The following SCN1A variants were observed in gnomAD, a reference collection of about 807,000 sequenced individuals.
SCN1A encodes the protein sodium voltage-gated channel alpha subunit 1.
A neutral mutation model predicts 193.7 loss-of-function variants in SCN1A; 13 were observed. That is an observed-to-expected ratio of 0.07 (90% CI 0.04 to 0.11). The LOEUF (loss-of-function observed/expected upper bound fraction) is 0.11, where lower values mean the gene tolerates loss of function less well. Ranked by LOEUF, SCN1A falls within the 10% of genes least tolerant of loss-of-function variation. The pLI, the probability that SCN1A is intolerant of heterozygous loss-of-function variation, is 1.00. For synonymous variants in SCN1A, 781 were observed against 843.6 expected (o/e 0.93, Z 1.29); for missense variants, 1,432 against 2,451.1 (o/e 0.58, Z 8.78).
chr2:166,093,539 T>C (rs1304805006), intron 2 of SCN1A, among the ~76,000 whole-genome samples: 1 of 152,068 alleles, frequency 6.6e-6, no homozygotes, highest in Non-Finnish European at 1.5e-5. Flanking sequence ...GAGATGGGGT[T>C]TCACCGTGTT....
chr2:166,114,078 A>G (rs1172605646), intron 2 of SCN1A, among the ~76,000 whole-genome samples: 2 of 152,126 alleles, frequency 1.3e-5, no homozygotes, highest in African/African-American at 2.4e-5. Flanking sequence ...CCTTCCAGCT[A>G]TCATATTATT....
intron 2 of SCN1A, among the ~76,000 whole-genome samples, chr2:166,084,085 A>G (rs1685823748): frequency 6.6e-6 from 1 of 152,140 alleles, no homozygotes; most frequent in African/African-American, 2.4e-5. Context: ...GGCACTGCCT[A>G]TATCCAAGTT....
At chr2:166,129,263 A>T (rs973581932), upstream of SCN1A, among the ~76,000 whole-genome samples, 7 of 152,182 alleles carry the variant, frequency 4.6e-5, no homozygotes, top group African/African-American at 1.4e-4. Context: ...CCAAGAGCCC[A>T]AAGAATAATC....
chr2:166,007,273 C>T (rs1194421676), intron 23 of SCN1A: 1 of 151,000 alleles, frequency 6.6e-6, no homozygotes, highest in African/African-American at 2.4e-5. Flanking sequence ...TCCACCCCAT[C>T]CAAGTTGGAG....
chr2:166,026,097 G>GTA (rs1443076085), intron 19 of SCN1A, among the ~76,000 whole-genome samples: 2 of 152,076 alleles, frequency 1.3e-5, no homozygotes, highest in East Asian at 1.9e-4. Context: ...TTGAACTCCA[G>GTA]TATATGGTTA....
intron 4 of SCN1A, chr2:166,060,061 GA>G (rs1418572240): frequency 6.6e-6 from 1 of 152,134 alleles, no homozygotes; most frequent in Non-Finnish European, 1.5e-5. Flanking sequence ...AAAGTAGGGG[GA>G]TGTTGTTGTG....
chr2:166,032,280 C>T (rs902363079), intron 19 of SCN1A, among the ~76,000 whole-genome samples: 1 of 49,190 alleles, frequency 2.0e-5, no homozygotes, highest in African/African-American at 8.4e-5. Flanking sequence ...TTAGTATACT[C>T]CTTTATCTAG....
intron 2 of SCN1A, among the ~76,000 whole-genome samples, chr2:166,092,146 G>A (rs369447944): frequency 1.3e-5 from 2 of 152,114 alleles, no homozygotes; most frequent in South Asian, 2.1e-4. Flanking sequence ...ATGGCATATT[G>A]CTTTCTGTTT....
intron 9 of SCN1A, among the ~76,000 whole-genome samples, chr2:166,049,860 G>A (rs1698326700): frequency 6.6e-6 from 1 of 151,980 alleles, no homozygotes; most frequent in East Asian, 1.9e-4. Flanking sequence ...TTGAGACCGG[G>A]TAGCCTTTCT....
chr2:166,064,456 G>C (rs1683635125), intron 4 of SCN1A, among the ~76,000 whole-genome samples: 1 of 152,138 alleles, frequency 6.6e-6, no homozygotes, highest in African/African-American at 2.4e-5. Context: ...CATGTGGATT[G>C]AAATCTTGCC....
chr2:166,122,589 G>T (rs1375318661), intron 2 of SCN1A, among the ~76,000 whole-genome samples: 2 of 151,926 alleles, frequency 1.3e-5, no homozygotes, highest in Admixed American at 6.6e-5. Flanking sequence ...AATCATAAAC[G>T]CATGGACAAC....
chr2:166,061,102 C>T (rs1574313640), intron 4 of SCN1A, among the ~76,000 whole-genome samples: 2 of 151,978 alleles, frequency 1.3e-5, no homozygotes, highest in East Asian at 1.9e-4. Flanking sequence ...TTTGTACCTC[C>T]GTGGATAAGG....
chr2:166,130,281 C>A (rs555448541), upstream of SCN1A, among the ~76,000 whole-genome samples: 1 of 152,288 alleles, frequency 6.6e-6, no homozygotes, highest in South Asian at 2.1e-4. Flanking sequence ...CATTTATTCA[C>A]TTCTTCATGC....
chr2:166,034,918 A>T (rs1416525536), intron 19 of SCN1A, among the ~76,000 whole-genome samples: 1 of 152,202 alleles, frequency 6.6e-6, no homozygotes. Context: ...AGCCCTCACT[A>T]GACATTGATG....
rs1315605191 is a variant in SCN1A at position 165,992,304 on chromosome 2, G to A, written c.4971C>T (p.Arg1657=). 6.2e-7 allele frequency: 1 copy of A among 1,613,654 alleles called. No individual in the cohort carries two copies. The highest frequency in any genetic ancestry group is 1.3e-5 in the African/African-American group (1 of 74,828). The part of the protein sequence containing the change: ...LRLIKGAKGI[R]TLLFALMMSL... The stretch of plus-strand genomic sequence containing the variant: ...ACATCATCAAAGCAAAGAGCAGCGT[G>A]CGGATCCCCTTTGCTCCTTTGATCA... Residue 1657 remains arginine, a synonymous_variant, in exon 29 of 29, where the codon CGC becomes CGT. Coordinates refer to ENST00000674923, the MANE Select transcript of SCN1A (RefSeq NM_001165963.4). The surrounding 1 kb of genome is among the most constrained non-coding windows in gnomAD (Gnocchi z 6.5).
rs1687724759 is a variant in SCN1A, at chr2:166,099,042, G to A, written c.-141-21241C>T. On this transcript the variant is annotated intron_variant, in intron 2 of 28. Transcript: ENST00000674923. ...TTCATATAAAACCCAAAAAGATCCT[G>A]ACTAGCCAAAGCAATCCTAAACAAA... is the stretch of plus-strand genomic sequence containing the variant. 1.3e-5 allele frequency among the ~76,000 whole-genome samples: 2 copies of A among 152,108 alleles called. 1 individual carries two copies. The highest frequency in any genetic ancestry group is 4.1e-4 in the South Asian group (2 of 4,826).
chr2:166,104,597 A>C (rs1168719095), intron 2 of SCN1A, among the ~76,000 whole-genome samples: 1 of 151,914 alleles, frequency 6.6e-6, no homozygotes, highest in African/African-American at 2.4e-5. Flanking sequence ...ACAAAAATTA[A>C]CCAGGCATGG....
intron 2 of SCN1A, among the ~76,000 whole-genome samples, chr2:166,093,698 TG>T (rs1258691911): frequency 6.6e-6 from 1 of 152,200 alleles, no homozygotes; most frequent in African/African-American, 2.4e-5. Context: ...TGTGCCTTTA[TG>T]TTTTGAATAC....
intron 1 of SCN1A, among the ~76,000 whole-genome samples, chr2:166,127,362 C>T (rs1691366961): frequency 1.3e-5 from 2 of 152,094 alleles, no homozygotes; most frequent in African/African-American, 4.8e-5. Flanking sequence ...ATTTTTGCTC[C>T]GTCCTTAAGA....
Sources: allele counts gnomAD v4.1 joint callset (sites outside exome capture counted in the v4.1 genomes callset), GRCh38; gene constraint gnomAD v4.1.1; non-coding constraint Gnocchi (gnomAD v3.1); transcripts MANE v1.5; gene names NCBI Gene and HGNC (gene_info 2026-07-23, HGNC 2026-07-21).